TUBB8B: variants seen among roughly 807,000 people sequenced by gnomAD.
TUBB8B encodes the protein HSA18p11 beta-tubulin 4Q pseudogene.
Under a neutral mutation model 31.9 loss-of-function variants are expected in TUBB8B, and 26 were observed. The ratio of observed to expected loss-of-function variants is 0.81; its 90% CI spans 0.60 to 1.13. The LOEUF (loss-of-function observed/expected upper bound fraction) is 1.13. Among genes scored for constraint, TUBB8B ranks in the 50% most tolerant of loss-of-function variants. The pLI is 0.00. For synonymous variants in TUBB8B, 173 were observed against 231.0 expected (o/e 0.75, Z 2.28); for missense variants, 467 against 586.7 (o/e 0.80, Z 2.11).
the TUBB8B span, among the ~76,000 whole-genome samples, chr18:72,313 A>AT: frequency 6.6e-6 from 1 of 152,126 alleles, no homozygotes; most frequent in African/African-American, 2.4e-5. Context: ...GGAAAAAAAA[A>AT]GATTAGTGAC....
At chr18:63,577 G>T in the TUBB8B span, among the ~76,000 whole-genome samples, 8 of 151,246 alleles carry the variant, frequency 5.3e-5, no homozygotes, top group East Asian at 1.6e-3. Flanking sequence ...AAGGCCCACT[G>T]TAACGACAAC....
upstream of TUBB8B, chr18:49,959 G>C: frequency 2.2e-6 from 1 of 445,846 alleles, no homozygotes; most frequent in South Asian, 1.6e-5. Flanking sequence ...TTTTGTAATG[G>C]AGATTCATTT....
rs754431142 is a variant in TUBB8B, at chr18:47,553, C to A, written c.1172G>T (p.Arg391Leu). The stretch of plus-strand genomic sequence containing the variant: ...CGTGTACCAGTGGAGGAAGGCCTTG[C>A]GCCTGAACATTGCTGTAAACTGCTC... The part of the protein sequence containing the change: ...VSEQFTAMFR[R>L]KAFLHWYTGE... Residue 391 changes from arginine (R) to leucine (L), a missense_variant, in exon 4 of 4, where the codon CGC becomes CTC. Coordinates refer to ENST00000308911, the MANE Select transcript of TUBB8B (RefSeq NM_001358689.2). 1.2e-6 allele frequency: 2 copies of A among 1,606,292 alleles called. No individual in the cohort carries two copies. Among genetic ancestry groups the A allele is most frequent in the East Asian group, 2.2e-5 (1 of 44,830 alleles).
upstream of TUBB8B, among the ~76,000 whole-genome samples, chr18:52,522 G>A (rs1263941056): frequency 1.3e-5 from 2 of 151,708 alleles, no homozygotes; most frequent in East Asian, 3.9e-4. Flanking sequence ...ATACCCTAGG[G>A]CCTCTCACTT....
Position 47,801 on chromosome 18 carries a change from G to T in TUBB8B, c.924C>A (p.Gly308=), listed in dbSNP as rs765305959. 1.4e-5 allele frequency: 22 copies of T among 1,611,752 alleles called. No individual in the cohort carries two copies. Among genetic ancestry groups the T allele is most frequent in the Non-Finnish European group, 1.6e-5 (19 of 1,179,582 alleles). The part of the protein sequence containing the change: ...NMMAACDPRH[G]CYLTVAAIFR... ...AAATGGCAGCCACCGTTAGGTAGCA[G>T]CCGTGACGGGGGTCACAGGCAGCCA... is the stretch of plus-strand genomic sequence containing the variant. The change falls in exon 4 of 4, where the codon GGC becomes GGA. Residue 308 remains glycine, a synonymous_variant. Transcript: ENST00000308911.
the TUBB8B span, among the ~76,000 whole-genome samples, chr18:66,378 C>A: frequency 2.0e-5 from 3 of 152,014 alleles, no homozygotes; most frequent in African/African-American, 7.2e-5. Context: ...ACAGCAAGAC[C>A]CTACCTGTAC....
the TUBB8B span, among the ~76,000 whole-genome samples, chr18:63,490 A>G: frequency 6.6e-6 from 1 of 150,988 alleles, no homozygotes; most frequent in East Asian, 1.9e-4. Context: ...TTGGGGTAAT[A>G]TAAGCATCCC....
At chr18:52,689 G>A (rs1170378310), upstream of TUBB8B, among the ~76,000 whole-genome samples, 1 of 151,900 alleles carries the variant, frequency 6.6e-6, no homozygotes, top group African/African-American at 2.4e-5. Flanking sequence ...GATGTTGCTG[G>A]AAAAGAGGGT....
the TUBB8B span, among the ~76,000 whole-genome samples, chr18:72,312 A>AAGAT: frequency 6.6e-6 from 1 of 152,202 alleles, no homozygotes; most frequent in East Asian, 1.9e-4. Context: ...AGGAAAAAAA[A>AAGAT]AGATTAGTGA....
the TUBB8B span, among the ~76,000 whole-genome samples, chr18:72,498 T>G: frequency 3.9e-5 from 6 of 152,324 alleles, no homozygotes; most frequent in African/African-American, 9.6e-5. Context: ...CGAGTTCACT[T>G]CCATTAGACG....
the TUBB8B span, among the ~76,000 whole-genome samples, chr18:64,733 G>A: frequency 6.6e-6 from 1 of 152,166 alleles, no homozygotes; most frequent in East Asian, 1.9e-4. Context: ...TCAAGAAAAG[G>A]ACTGATATTT....
the TUBB8B span, among the ~76,000 whole-genome samples, chr18:57,764 G>T: frequency 1.3e-5 from 2 of 151,876 alleles, no homozygotes; most frequent in African/African-American, 4.8e-5. Context: ...CTCCATGAGG[G>T]CTCCACCCCT....
At chr18:70,847 G>A in the TUBB8B span, among the ~76,000 whole-genome samples, 4,453 of 114,586 alleles carry the variant, frequency 0.039, no homozygotes, top group African/African-American at 0.1. Flanking sequence ...GCTGAGGCAG[G>A]AGAATCGTTT....
At chr18:63,539 G>C in the TUBB8B span, among the ~76,000 whole-genome samples, 1 of 151,468 alleles carries the variant, frequency 6.6e-6, no homozygotes, top group Non-Finnish European at 1.5e-5. Flanking sequence ...GTTCACACTT[G>C]AAGTAGGCAT....
At chr18:68,007 T>C in the TUBB8B span, among the ~76,000 whole-genome samples, 1 of 152,156 alleles carries the variant, frequency 6.6e-6, no homozygotes, top group African/African-American at 2.4e-5. Context: ...CGTGACACCC[T>C]CAATACTGAT....
the TUBB8B span, among the ~76,000 whole-genome samples, chr18:63,500 C>G: frequency 6.4e-4 from 96 of 150,904 alleles, no homozygotes; most frequent in African/African-American, 2.3e-3. Flanking sequence ...ATAAGCATCC[C>G]TGAGGCCATC....
the TUBB8B span, among the ~76,000 whole-genome samples, chr18:63,636 T>C: frequency 6.6e-6 from 1 of 150,938 alleles, no homozygotes; most frequent in Non-Finnish European, 1.5e-5. Flanking sequence ...GCCCTAACCC[T>C]AACCCCAAAC....
In TUBB8B at chr18:47,683, T is replaced by G. The variant is rs1044769834; in HGVS notation, c.1042A>C (p.Asn348His). ...SSYFADWFPDNVKTAVCDIPP... is the reference protein window; with the variant it reads ...SSYFADWFPDHVKTAVCDIPP... ...ATGTCACAGACGGCTGTTTTTACGT[T>G]GTCGGGGAACCAGTCAGCAAAGTAG... The change falls in exon 4 of 4, where the codon AAC (asparagine) becomes CAC (histidine). Residue 348 changes from asparagine to histidine, a missense_variant. Around this residue, in one of 2 missense-constraint regions of TUBB8B, gnomAD observed 208 missense variants for 206.7 expected, o/e 1.01. Coordinates refer to ENST00000308911, the MANE Select transcript of TUBB8B (RefSeq NM_001358689.2). 39 of 1,612,132 alleles carry G rather than the reference T, an allele frequency of 2.4e-5. No homozygotes were observed. The African/African-American group carries it at 4.9e-4, about 20-fold the overall frequency.
chr18:68,425 G>A, the TUBB8B span, among the ~76,000 whole-genome samples: 1 of 152,166 alleles, frequency 6.6e-6, no homozygotes, highest in African/African-American at 2.4e-5. Flanking sequence ...GGGAGAAAGG[G>A]TCTCTTTCCA....
Sources: allele counts gnomAD v4.1 joint callset (sites outside exome capture counted in the v4.1 genomes callset), GRCh38; gene constraint gnomAD v4.1.1; regional missense constraint gnomAD v4.1.1; transcripts MANE v1.5; gene names NCBI Gene and HGNC (gene_info 2026-07-23, HGNC 2026-07-21).